The following RPTOR variants were observed in gnomAD, a reference collection of about 807,000 sequenced individuals.
RPTOR encodes the protein regulatory-associated protein of mTOR.
In RPTOR, 21 loss-of-function variants were observed where a neutral mutation model predicts 169.9. The observed-to-expected ratio is 0.12, with a 90% confidence interval of 0.09 to 0.18. The LOEUF (loss-of-function observed/expected upper bound fraction) is 0.18, where lower values mean the gene tolerates loss of function less well. Among genes scored for constraint, RPTOR ranks in the 10% least tolerant of loss-of-function variants. The probability of loss-of-function intolerance (pLI) is 1.00; values close to 1 mark genes in which losing one functional copy is unlikely to be tolerated. For synonymous variants in RPTOR, 732 were observed against 753.2 expected (o/e 0.97, Z 0.46); for missense variants, 1,133 against 1,855.9 (o/e 0.61, Z 7.16).
intron 21 of RPTOR, among the ~76,000 whole-genome samples, chr17:80,922,223 G>A (rs996881420): frequency 6.6e-5 from 10 of 152,218 alleles, no homozygotes; most frequent in African/African-American, 1.9e-4. Context: ...GCCCGGCTCC[G>A]GAAAGAGCAT....
chr17:80,781,598 A>C (rs2066942808), intron 6 of RPTOR, among the ~76,000 whole-genome samples: 1 of 152,260 alleles, frequency 6.6e-6, no homozygotes, highest in Non-Finnish European at 1.5e-5. Context: ...CCTCTGCAGC[A>C]GCTGAGACGT....
intron 1 of RPTOR, among the ~76,000 whole-genome samples, chr17:80,587,800 T>C (rs1219808743): frequency 6.6e-6 from 1 of 151,826 alleles, no homozygotes; most frequent in Non-Finnish European, 1.5e-5. Context: ...GGTGAGACCA[T>C]TTGCAATCTC....
At chr17:80,753,366 G>C (rs879408298) in intron 5 of RPTOR, among the ~76,000 whole-genome samples, 58 of 126,724 alleles carry the variant, frequency 4.6e-4, no homozygotes, top group Non-Finnish European at 9.8e-4. Context: ...CGGGCGCGGT[G>C]GCTCACGCCT....
chr17:80,813,585 A>G (rs541516029), intron 7 of RPTOR, among the ~76,000 whole-genome samples: 127 of 152,342 alleles, frequency 8.3e-4, no homozygotes, highest in African/African-American at 3.0e-3. Flanking sequence ...ATAGACATAT[A>G]TAGCTTCCCT....
intron 1 of RPTOR, among the ~76,000 whole-genome samples, chr17:80,577,848 G>C (rs564678025): frequency 1.3e-5 from 2 of 152,322 alleles, no homozygotes; most frequent in South Asian, 4.1e-4. Context: ...TTGTAATCTG[G>C]AAGACCTACG....
intron 7 of RPTOR, among the ~76,000 whole-genome samples, chr17:80,819,159 G>T (rs1350153860): frequency 6.6e-6 from 1 of 152,174 alleles, no homozygotes; most frequent in African/African-American, 2.4e-5. Context: ...TGCACCCCTA[G>T]GCTCCCTCCC....
rs527557000 is a variant in RPTOR, at chr17:80,618,279, G to C, written c.163-7412G>C. On this transcript the variant is annotated intron_variant, in intron 1 of 33. Transcript: ENST00000306801. Reference sequence around the variant, plus strand: ...TGGGATGACAGGCGTGAGCCACCATGCCTGGCCAAAACAGTTGCAGTTTCT... The same window carrying C: ...TGGGATGACAGGCGTGAGCCACCATCCCTGGCCAAAACAGTTGCAGTTTCT... Among the ~76,000 whole-genome samples the C allele has an allele frequency of 9.2e-5, 14 of 152,342 alleles. No homozygotes were observed. The East Asian group carries it at 2.7e-3, about 29-fold the overall frequency.
At chr17:80,642,023 GAAA>G (rs1468123439) in intron 2 of RPTOR, among the ~76,000 whole-genome samples, 1 of 152,198 alleles carries the variant, frequency 6.6e-6, no homozygotes, top group Non-Finnish European at 1.5e-5. Context: ...TCACATTAAG[GAAA>G]ACAACTGACA....
At chr17:80,870,343 A>G (rs563731991) in intron 13 of RPTOR, among the ~76,000 whole-genome samples, 1 of 152,344 alleles carries the variant, frequency 6.6e-6, no homozygotes, top group South Asian at 2.1e-4. Flanking sequence ...AAGGCAGATG[A>G]GAGAGTCATA....
intron 5 of RPTOR, among the ~76,000 whole-genome samples, chr17:80,734,826 T>C (rs1229684793): frequency 6.6e-6 from 1 of 152,182 alleles, no homozygotes; most frequent in Non-Finnish European, 1.5e-5. Flanking sequence ...AAAATTGCAT[T>C]GTACTGGACA....
At chr17:80,750,261 T>G (rs1224686004) in intron 5 of RPTOR, among the ~76,000 whole-genome samples, 1 of 152,264 alleles carries the variant, frequency 6.6e-6, no homozygotes, top group Non-Finnish European at 1.5e-5. Context: ...ACTTAGTTTT[T>G]GCGTAAAGGG....
At chr17:80,757,290 G>A (rs532823401) in intron 6 of RPTOR, among the ~76,000 whole-genome samples, 1 of 152,256 alleles carries the variant, frequency 6.6e-6, no homozygotes, top group African/African-American at 2.4e-5. Context: ...GAAATTAATG[G>A]GAGACCTCCG....
intron 24 of RPTOR, among the ~76,000 whole-genome samples, chr17:80,929,250 C>G (rs1425009465): frequency 1.3e-5 from 2 of 152,156 alleles, no homozygotes; most frequent in Non-Finnish European, 2.9e-5. Context: ...TCAAATTGTA[C>G]AAAATGCTTG....
At chr17:80,577,559 G>A (rs531215117) in intron 1 of RPTOR, among the ~76,000 whole-genome samples, 190 of 152,314 alleles carry the variant, frequency 1.2e-3, no homozygotes, top group Non-Finnish European at 2.1e-3. Context: ...CATTAGAGGC[G>A]TGAGCCATTG....
chr17:80,606,416 G>A (rs747526256), intron 1 of RPTOR, among the ~76,000 whole-genome samples: 1 of 148,956 alleles, frequency 6.7e-6, no homozygotes, highest in Non-Finnish European at 1.5e-5. Context: ...TGAGTGTTAT[G>A]TTGCCCAGGC....
chr17:80,939,434 G>A (rs2068996267), intron 24 of RPTOR, among the ~76,000 whole-genome samples: 1 of 152,250 alleles, frequency 6.6e-6, no homozygotes, highest in Admixed American at 6.5e-5. Flanking sequence ...CCTTTGCTCA[G>A]GGAAGAGAGG....
intron 16 of RPTOR, 140 bp from the exon 17 acceptor site, chr17:80,884,868 C>T (rs1293302435): frequency 4.3e-6 from 5 of 1,159,228 alleles, no homozygotes; most frequent in Non-Finnish European, 5.9e-6. Context: ...TCTGATAGTG[C>T]GAGGAGAGCC....
chr17:80,552,358 C>T (rs1474642777), intron 1 of RPTOR, among the ~76,000 whole-genome samples: 3 of 152,186 alleles, frequency 2.0e-5, no homozygotes, highest in Non-Finnish European at 2.9e-5. Context: ...TCTTTGCACA[C>T]CTGGCCCCTT....
intron 11 of RPTOR, among the ~76,000 whole-genome samples, chr17:80,852,911 C>G (rs2067809049): frequency 1.3e-5 from 2 of 152,080 alleles, no homozygotes; most frequent in African/African-American, 4.8e-5. Flanking sequence ...GCCTCCTCGT[C>G]CCTTTCCCCT....
Sources: allele counts gnomAD v4.1 joint callset (sites outside exome capture counted in the v4.1 genomes callset), GRCh38; gene constraint gnomAD v4.1.1; transcripts MANE v1.5; gene names NCBI Gene and HGNC (gene_info 2026-07-23, HGNC 2026-07-21).